The following UST variants were observed in gnomAD, a reference collection of about 807,000 sequenced individuals.
UST encodes chondroitin sulfate 2-O-sulfotransferase.
UST carries 21 observed loss-of-function variants against 45.6 expected under a neutral mutation model. The ratio of observed to expected loss-of-function variants is 0.46; its 90% CI spans 0.33 to 0.66. The LOEUF (loss-of-function observed/expected upper bound fraction) is 0.66. Among genes scored for constraint, UST ranks in the 30% least tolerant of loss-of-function variants. The pLI is 0.02. For synonymous variants in UST, 215 were observed against 200.6 expected (o/e 1.07, Z -0.61); for missense variants, 463 against 512.4 (o/e 0.90, Z 0.93).
chr6:148,771,109 A>G (rs1239158027), intron 1 of UST, among the ~76,000 whole-genome samples: 1 of 152,106 alleles, frequency 6.6e-6, no homozygotes, highest in East Asian at 1.9e-4. Flanking sequence ...AAATGGAAAG[A>G]AAAATCTCCA....
intron 1 of UST, among the ~76,000 whole-genome samples, chr6:148,860,423 C>T (rs906280111): frequency 5.3e-5 from 8 of 152,344 alleles, no homozygotes; most frequent in Non-Finnish European, 8.8e-5. Context: ...TCTAAATATA[C>T]AGTCATGTCA....
At chr6:148,793,008 G>T (rs889259472) in intron 1 of UST, among the ~76,000 whole-genome samples, 1 of 152,122 alleles carries the variant, frequency 6.6e-6, no homozygotes, top group African/African-American at 2.4e-5. Flanking sequence ...AGAAAAGCAA[G>T]GAGTAATTAA....
chr6:148,784,836 T>A (rs1370643990), intron 1 of UST, among the ~76,000 whole-genome samples: 4 of 152,238 alleles, frequency 2.6e-5, no homozygotes, highest in African/African-American at 4.8e-5. Flanking sequence ...AAATGTCTTA[T>A]CAGTGGACAT....
intron 5 of UST, among the ~76,000 whole-genome samples, chr6:149,010,657 G>A (rs569922020): frequency 6.6e-6 from 1 of 152,052 alleles, no homozygotes; most frequent in Admixed American, 6.6e-5. Context: ...CACTTTGGGA[G>A]GCTGAGGCGG....
chr6:148,969,646 A>G (rs1184728509), intron 5 of UST, among the ~76,000 whole-genome samples: 3 of 152,178 alleles, frequency 2.0e-5, no homozygotes, highest in South Asian at 2.1e-4. Flanking sequence ...TACTGGCTCC[A>G]CATGACCTAA....
chr6:148,919,716 G>A (rs1779664838), intron 2 of UST, among the ~76,000 whole-genome samples: 1 of 152,134 alleles, frequency 6.6e-6, no homozygotes, highest in Non-Finnish European at 1.5e-5. Flanking sequence ...ATTTTGTCCT[G>A]TTTGATGAAA....
intron 5 of UST, among the ~76,000 whole-genome samples, chr6:148,967,404 G>A (rs1780824890): frequency 1.3e-5 from 2 of 152,170 alleles, no homozygotes; most frequent in Non-Finnish European, 2.9e-5. Context: ...AGCCTGACCT[G>A]GTTAGAAGGC....
chr6:148,805,444 T>C (rs1301886193), intron 1 of UST, among the ~76,000 whole-genome samples: 1 of 152,210 alleles, frequency 6.6e-6, no homozygotes, highest in Non-Finnish European at 1.5e-5. Flanking sequence ...TTTTGTGTTT[T>C]TGTTTTGTTC....
At chr6:148,887,695 C>T (rs1225800689) in intron 2 of UST, among the ~76,000 whole-genome samples, 3 of 152,188 alleles carry the variant, frequency 2.0e-5, no homozygotes. Flanking sequence ...TTTATTCTAA[C>T]CGTATGTCCC....
intron 4 of UST, among the ~76,000 whole-genome samples, chr6:148,954,552 A>G (rs1780442590): frequency 6.6e-6 from 1 of 152,196 alleles, no homozygotes; most frequent in Non-Finnish European, 1.5e-5. Context: ...GTATAGTCAC[A>G]TGCTGTCCAG....
chr6:148,869,640 G>A (rs890582597), intron 1 of UST, among the ~76,000 whole-genome samples: 2 of 152,236 alleles, frequency 1.3e-5, no homozygotes, highest in South Asian at 2.1e-4. Flanking sequence ...GGCATCAAAC[G>A]CATTTCATCC....
rs34342100 is a variant in UST at position 148,748,399 on chromosome 6, T to TTGTGTGTGTGTGTGTGTGTG, written c.247+757_247+776dup. On this transcript the variant is annotated intron_variant, in intron 1 of 7. Transcript: ENST00000367463. This position sits in a 1 kb window ranked among gnomAD's most constrained non-coding sequence, Gnocchi z 5.3. ...GTGCGTCTCAAGCTCAAGTCAAAAC[T>TTGTGTGTGTGTGTGTGTGTG]TGTGTGTGTGTGTGTGTGTGTGTGT... is the stretch of plus-strand genomic sequence containing the variant. Among the ~76,000 whole-genome samples the TTGTGTGTGTGTGTGTGTGTG allele has an allele frequency of 7.8e-6, 1 of 127,530 alleles. No individual in the cohort carries two copies. Among genetic ancestry groups the TTGTGTGTGTGTGTGTGTGTG allele is most frequent in the Admixed American group, 7.6e-5 (1 of 13,130 alleles). The allele number at this position is 127,530 out of a possible 152,430, so 83.7% of individuals were successfully genotyped here.
rs1779974777 is a variant in UST, at chr6:148,934,138, G to A, written c.292-7141G>A. On this transcript the variant is annotated intron_variant, in intron 2 of 7. Transcript: ENST00000367463. This position sits in a 1 kb window ranked among gnomAD's most constrained non-coding sequence, Gnocchi z 4.1. Reference sequence around the variant, plus strand: ...ACCTAACTTTCCCCTTTTTATAAGTGAGGAAACTGGGGCTCAAGGGTGTGA... The same window carrying A: ...ACCTAACTTTCCCCTTTTTATAAGTAAGGAAACTGGGGCTCAAGGGTGTGA... Among the ~76,000 whole-genome samples, 1 of 152,126 alleles carries A rather than the reference G, an allele frequency of 6.6e-6. No homozygotes were observed. The highest frequency in any genetic ancestry group is 1.5e-5 in the Non-Finnish European group (1 of 68,020).
At chr6:148,894,774 T>C (rs970348822) in intron 2 of UST, among the ~76,000 whole-genome samples, 2 of 151,374 alleles carry the variant, frequency 1.3e-5, no homozygotes, top group African/African-American at 4.9e-5. Flanking sequence ...TTAAGAAACA[T>C]TGAAACCATT....
chr6:149,007,386 C>T (rs1775733645), intron 5 of UST, among the ~76,000 whole-genome samples: 1 of 149,904 alleles, frequency 6.7e-6, no homozygotes, highest in Non-Finnish European at 1.5e-5. Flanking sequence ...CTTCTGGGTT[C>T]ACACCATTCT....
chr6:148,929,199 C>G (rs1010021789), intron 2 of UST, among the ~76,000 whole-genome samples: 3 of 152,186 alleles, frequency 2.0e-5, no homozygotes, highest in African/African-American at 4.8e-5. Context: ...CCCACAGCCT[C>G]CCCCTCTTTA....
intron 5 of UST, among the ~76,000 whole-genome samples, chr6:149,001,425 C>G (rs1283375850): frequency 6.6e-6 from 1 of 152,090 alleles, no homozygotes; most frequent in Admixed American, 6.6e-5. Context: ...ACAGATTAAA[C>G]AAATTTAAAT....
At chr6:149,064,487 A>G (rs1776703418) in intron 7 of UST, among the ~76,000 whole-genome samples, 2 of 152,184 alleles carry the variant, frequency 1.3e-5, no homozygotes, top group African/African-American at 2.4e-5. Flanking sequence ...GATGATGGTG[A>G]TGATGATGAT....
At chr6:148,765,394 A>G (rs1776303215) in intron 1 of UST, among the ~76,000 whole-genome samples, 1 of 152,188 alleles carries the variant, frequency 6.6e-6, no homozygotes, top group Non-Finnish European at 1.5e-5. Flanking sequence ...GAATTCAGAT[A>G]ATGCTATCCC....
Sources: allele counts gnomAD v4.1 joint callset (sites outside exome capture counted in the v4.1 genomes callset), GRCh38; gene constraint gnomAD v4.1.1; non-coding constraint Gnocchi (gnomAD v3.1); transcripts MANE v1.5; gene names NCBI Gene and HGNC (gene_info 2026-07-23, HGNC 2026-07-21).